The following GRAMD1C variants were observed in gnomAD, a reference collection of about 807,000 sequenced individuals.
The protein encoded by GRAMD1C is GRAM domain containing 1C.
Under a neutral mutation model 97.8 loss-of-function variants are expected in GRAMD1C, and 89 were observed. The observed-to-expected ratio is 0.91, with a 90% confidence interval of 0.77 to 1.09. The LOEUF (loss-of-function observed/expected upper bound fraction) is 1.09, where lower values mean the gene tolerates loss of function less well. GRAMD1C is among the 50% of genes least tolerant of loss of function. GRAMD1C has a pLI of 0.00. For synonymous variants in GRAMD1C, 256 were observed against 267.0 expected, an observed-to-expected ratio of 0.96 and a Z score of 0.40; for missense variants, 740 against 766.4, an observed-to-expected ratio of 0.97 and a Z score of 0.41.
intron 6 of GRAMD1C, chr3:113,897,772 T>C (rs920805537): frequency 1.0e-6 from 1 of 984,314 alleles, no homozygotes; most frequent in African/African-American, 1.7e-5. Context: ...TTTGTTAAAC[T>C]ACTCTGTAGG....
intron 2 of GRAMD1C, chr3:113,850,183 CTTT>C: frequency 7.7e-6 from 3 of 387,474 alleles, no homozygotes; most frequent in South Asian, 2.0e-5. Flanking sequence ...TATATACTTA[CTTT>C]TTTTTTTTGC....
intron 7 of GRAMD1C, among the ~76,000 whole-genome samples, chr3:113,902,645 CTTTCTTTTT>C (rs1225265840): frequency 2.0e-5 from 3 of 152,052 alleles, no homozygotes; most frequent in Non-Finnish European, 2.9e-5. Flanking sequence ...CGATTGAATG[CTTTCTTTTT>C]TTTCTTTTTT....
chr3:113,888,213 A>G (rs1935586810), intron 6 of GRAMD1C, among the ~76,000 whole-genome samples: 1 of 152,226 alleles, frequency 6.6e-6, no homozygotes, highest in Admixed American at 6.5e-5. Context: ...AATGACACAA[A>G]AATCCTCAAC....
At chr3:113,934,052 G>C (rs1049384662) in intron 12 of GRAMD1C, among the ~76,000 whole-genome samples, 7 of 152,152 alleles carry the variant, frequency 4.6e-5, no homozygotes, top group African/African-American at 1.7e-4. Context: ...AGAGAGATGG[G>C]CCATCATGTA....
intron 6 of GRAMD1C, chr3:113,885,623 T>C (rs1050252165): frequency 4.7e-6 from 7 of 1,505,052 alleles, no homozygotes; most frequent in African/African-American, 1.4e-5. Context: ...TTTTTGTACG[T>C]AAGAGGCCCC....
chr3:113,883,300 G>A (rs570449330), intron 6 of GRAMD1C, among the ~76,000 whole-genome samples: 4 of 152,126 alleles, frequency 2.6e-5, no homozygotes, highest in South Asian at 2.1e-4. Context: ...TGAGGTGAGC[G>A]GATTGCTTGA....
chr3:113,918,491 A>G (rs949189251), intron 10 of GRAMD1C, among the ~76,000 whole-genome samples: 5 of 152,230 alleles, frequency 3.3e-5, no homozygotes, highest in South Asian at 2.1e-4. Context: ...TCTGGCTTCA[A>G]TATCAATGAT....
intron 10 of GRAMD1C, among the ~76,000 whole-genome samples, chr3:113,917,174 T>A (rs995015807): frequency 4.6e-5 from 7 of 151,568 alleles, no homozygotes; most frequent in African/African-American, 1.7e-4. Flanking sequence ...AGTTTGAAAC[T>A]GAATTTATCC....
In GRAMD1C at chr3:113,901,241, A is replaced by G. The variant is rs1164162556; in HGVS notation, c.656+95A>G. On this transcript the variant is annotated intron_variant, in intron 7 of 17. Coordinates refer to ENST00000358160, the MANE Select transcript of GRAMD1C (RefSeq NM_017577.5). Reference sequence around the variant, plus strand: ...ACTAATTCTGAATTTCTAGTAATTTATCTTTGGCTGCCATTTGCCCCTTTG... The same window carrying G: ...ACTAATTCTGAATTTCTAGTAATTTGTCTTTGGCTGCCATTTGCCCCTTTG... The G allele has an allele frequency of 4.2e-6, 3 of 706,110 alleles. No individual in the cohort carries two copies. The African/African-American group carries it at 5.3e-5, about 12-fold the overall frequency. The allele number at this position is 706,110 out of a possible 1,614,324, so 43.7% of individuals were successfully genotyped here.
intron 7 of GRAMD1C, among the ~76,000 whole-genome samples, chr3:113,902,246 C>A (rs538756816): frequency 6.6e-6 from 1 of 152,170 alleles, no homozygotes; most frequent in Non-Finnish European, 1.5e-5. Flanking sequence ...CAATTTATAT[C>A]TTTTCAGCTT....
intron 9 of GRAMD1C, among the ~76,000 whole-genome samples, chr3:113,911,727 CCTTTT>C (rs1445567350): frequency 1.1e-5 from 1 of 93,826 alleles, no homozygotes; most frequent in Non-Finnish European, 2.4e-5. Context: ...TTCCTTCCTT[CCTTTT>C]CTTTCTTTCT....
chr3:113,835,612 T>C (rs762102183), upstream of GRAMD1C, among the ~76,000 whole-genome samples: 1 of 152,220 alleles, frequency 6.6e-6, no homozygotes, highest in South Asian at 2.1e-4. Context: ...GTTATTCTGA[T>C]TGGGTATCTT....
At chr3:113,890,896 G>C in intron 6 of GRAMD1C, 1 of 533,702 alleles carries the variant, frequency 1.9e-6, no homozygotes. Flanking sequence ...GAAGAAGAAA[G>C]GGAATTCCAG....
At chr3:113,893,216 T>C (rs1935804539) in intron 6 of GRAMD1C, among the ~76,000 whole-genome samples, 1 of 152,012 alleles carries the variant, frequency 6.6e-6, no homozygotes, top group South Asian at 2.1e-4. Flanking sequence ...AAAGTTATCT[T>C]TTTTTAAAAA....
At chr3:113,923,788 C>T (rs1937143000) in intron 10 of GRAMD1C, among the ~76,000 whole-genome samples, 1 of 152,038 alleles carries the variant, frequency 6.6e-6, no homozygotes, top group African/African-American at 2.4e-5. Context: ...TGATGCTGGC[C>T]TCATAGAATG....
At chr3:113,889,383 G>GA (rs1369763210) in intron 6 of GRAMD1C, among the ~76,000 whole-genome samples, 1 of 152,196 alleles carries the variant, frequency 6.6e-6, no homozygotes, top group African/African-American at 2.4e-5. Flanking sequence ...CAAGTTCATA[G>GA]AAACAGAAAT....
chr3:113,941,011 G>A (rs139562157), intron 17 of GRAMD1C, among the ~76,000 whole-genome samples: 6 of 152,180 alleles, frequency 3.9e-5, no homozygotes, highest in South Asian at 2.1e-4. Flanking sequence ...CCTCTATGCC[G>A]GGTGCACAGC....
chr3:113,933,044 C>T (rs1363110549), intron 11 of GRAMD1C, among the ~76,000 whole-genome samples: 1 of 152,166 alleles, frequency 6.6e-6, no homozygotes, highest in Non-Finnish European at 1.5e-5. Flanking sequence ...GCCGCCACTC[C>T]TGGCTAATTT....
intron 13 of GRAMD1C, among the ~76,000 whole-genome samples, chr3:113,935,727 C>A (rs1448641817): frequency 6.6e-6 from 1 of 150,902 alleles, no homozygotes; most frequent in South Asian, 2.1e-4. Flanking sequence ...AAATGAAACT[C>A]AAAAAAAATT....
Sources: allele counts gnomAD v4.1 joint callset (sites outside exome capture counted in the v4.1 genomes callset), GRCh38; gene constraint gnomAD v4.1.1; transcripts MANE v1.5; gene names NCBI Gene and HGNC (gene_info 2026-07-23, HGNC 2026-07-21).